The following KCNT2 variants were observed in gnomAD, a reference collection of about 807,000 sequenced individuals.
The protein encoded by KCNT2 is potassium channel subfamily T member 2.
A neutral mutation model predicts 153.8 loss-of-function variants in KCNT2; 67 were observed. The ratio of observed to expected loss-of-function variants is 0.44; its 90% confidence interval spans 0.36 to 0.53. The LOEUF is 0.53. KCNT2 is among the 20% of genes least tolerant of loss of function. The probability of loss-of-function intolerance (pLI) is 0.00; values close to 1 mark genes in which losing one functional copy is unlikely to be tolerated. For missense variants in KCNT2, 975 were observed against 1,354.8 expected (o/e 0.72, Z 4.40); for synonymous variants, 500 against 458.8 (o/e 1.09, Z -1.15).
At chr1:196,441,008 AAAG>A (rs1675177061) in intron 8 of KCNT2, among the ~76,000 whole-genome samples, 1 of 151,872 alleles carries the variant, frequency 6.6e-6, no homozygotes. Flanking sequence ...TCCTGCTCAG[AAAG>A]AAGCTGGGAG....
chr1:196,478,036 G>A (rs895175021), intron 5 of KCNT2, among the ~76,000 whole-genome samples: 2 of 152,110 alleles, frequency 1.3e-5, no homozygotes, highest in African/African-American at 4.8e-5. Flanking sequence ...AATCTATGTG[G>A]ATCCCAATAT....
chr1:196,446,788 T>A (rs748626151), intron 8 of KCNT2, among the ~76,000 whole-genome samples: 4 of 151,562 alleles, frequency 2.6e-5, no homozygotes, highest in Non-Finnish European at 5.9e-5. Flanking sequence ...AAGACAAATG[T>A]TCCAAATAAG....
intron 14 of KCNT2, among the ~76,000 whole-genome samples, chr1:196,371,648 T>G (rs890044134): frequency 6.6e-6 from 1 of 152,132 alleles, no homozygotes; most frequent in Admixed American, 6.6e-5. Context: ...AACATTGCTT[T>G]CTTTTTTAAT....
At chr1:196,449,438 G>C (rs1484848390) in intron 8 of KCNT2, among the ~76,000 whole-genome samples, 2 of 151,612 alleles carry the variant, frequency 1.3e-5, no homozygotes, top group Admixed American at 1.3e-4. Context: ...TGGATTATTA[G>C]GGAAAATCAG....
chr1:196,331,371 T>C, intron 17 of KCNT2, 110 bp from the exon 18 acceptor site: 1 of 692,730 alleles, frequency 1.4e-6, no homozygotes, highest in Non-Finnish European at 2.6e-6. Flanking sequence ...ACCTCTGTGT[T>C]GCAATTATAT....
chr1:196,456,217 A>T (rs535694064), intron 8 of KCNT2, among the ~76,000 whole-genome samples: 1 of 152,090 alleles, frequency 6.6e-6, no homozygotes, highest in East Asian at 2.0e-4. Context: ...TCTTTCTTGC[A>T]CTTTGCCAAG....
intron 1 of KCNT2, among the ~76,000 whole-genome samples, 179 bp from the exon 2 acceptor site, chr1:196,492,520 G>A (rs1289313613): frequency 6.6e-6 from 1 of 152,052 alleles, no homozygotes; most frequent in East Asian, 1.9e-4. Context: ...CATGGAAAAT[G>A]AGAACTGAGT....
At chr1:196,483,428 G>T (rs975869323) in intron 3 of KCNT2, among the ~76,000 whole-genome samples, 5 of 152,108 alleles carry the variant, frequency 3.3e-5, no homozygotes, top group Admixed American at 3.3e-4. Flanking sequence ...TTTTCTCCAA[G>T]TCGCAAATAC....
intron 13 of KCNT2, among the ~76,000 whole-genome samples, chr1:196,385,835 A>G: frequency 6.6e-6 from 1 of 151,650 alleles, no homozygotes; most frequent in South Asian, 2.1e-4. Flanking sequence ...ATGATAATAT[A>G]ATCTGTCTGT....
chr1:196,361,914 A>AGTGTGAGTGT (rs1553300618), intron 14 of KCNT2, among the ~76,000 whole-genome samples: 1 of 150,508 alleles, frequency 6.6e-6, no homozygotes, highest in Non-Finnish European at 1.5e-5. Flanking sequence ...TGTGAGTGTG[A>AGTGTGAGTGT]GTGTGTGTGT....
At chr1:196,473,414 G>A (rs1208060381) in intron 5 of KCNT2, among the ~76,000 whole-genome samples, 1 of 152,154 alleles carries the variant, frequency 6.6e-6, no homozygotes, top group Non-Finnish European at 1.5e-5. Context: ...TCTACTCCTA[G>A]CGCAGTGCTT....
intron 21 of KCNT2, 27 bp downstream of exon 21, chr1:196,315,865 G>A (rs766480905): frequency 6.3e-7 from 1 of 1,585,208 alleles, no homozygotes; most frequent in Admixed American, 1.8e-5. Context: ...AAAGTAAGTG[G>A]CAAGGTTGGA....
chr1:196,329,084 A>G (rs934579627), intron 18 of KCNT2, among the ~76,000 whole-genome samples: 1 of 152,150 alleles, frequency 6.6e-6, no homozygotes, highest in Non-Finnish European at 1.5e-5. Flanking sequence ...TAATAGGGAA[A>G]CAAAGAGCAG....
At chr1:196,342,444 A>G (rs200129676) in intron 14 of KCNT2, among the ~76,000 whole-genome samples, 151 of 125,670 alleles carry the variant, frequency 1.2e-3, no homozygotes, top group Middle Eastern at 9.4e-3. Context: ...ATATATATAT[A>G]TATGTATATA....
chr1:196,584,173 A>AATAAAATAAAATAAC (rs1662388861), intron 1 of KCNT2, among the ~76,000 whole-genome samples: 1 of 150,102 alleles, frequency 6.7e-6, no homozygotes, highest in African/African-American at 2.4e-5. Flanking sequence ...ATTAAGATAA[A>AATAAAATAAAATAAC]ATAAAATAAA....
chr1:196,558,812 A>G (rs1380721140), intron 1 of KCNT2, among the ~76,000 whole-genome samples: 5 of 151,704 alleles, frequency 3.3e-5, no homozygotes, highest in Non-Finnish European at 7.4e-5. Flanking sequence ...TACACATTAA[A>G]TCAAATGTGT....
intron 19 of KCNT2, among the ~76,000 whole-genome samples, chr1:196,320,603 G>T (rs1206582905): frequency 6.6e-6 from 1 of 151,344 alleles, no homozygotes; most frequent in African/African-American, 2.4e-5. Flanking sequence ...AGCCTCCCTG[G>T]CTAGATGAAC....
At chr1:196,504,537 A>G (rs1259866403) in intron 1 of KCNT2, among the ~76,000 whole-genome samples, 1 of 152,128 alleles carries the variant, frequency 6.6e-6, no homozygotes, top group African/African-American at 2.4e-5. Flanking sequence ...TAGTGCTGCA[A>G]TAAACATACA....
At chr1:196,368,962 A>C (rs1231254509) in intron 14 of KCNT2, among the ~76,000 whole-genome samples, 1 of 151,908 alleles carries the variant, frequency 6.6e-6, no homozygotes, top group East Asian at 1.9e-4. Context: ...AAGTGAGGAG[A>C]TTTTCTTTTT....
Sources: allele counts gnomAD v4.1 joint callset (sites outside exome capture counted in the v4.1 genomes callset), GRCh38; gene constraint gnomAD v4.1.1; transcripts MANE v1.5; gene names NCBI Gene and HGNC (gene_info 2026-07-23, HGNC 2026-07-21).